B3GALT1: variants seen among roughly 807,000 people sequenced by gnomAD.
B3GALT1 encodes beta-1,3-galactosyltransferase 1, also known as UDP-Gal:betaGlcNAc beta 1,3-galactosyltransferase, polypeptide 1.
In B3GALT1, 10 loss-of-function variants were observed where a neutral mutation model predicts 23.2. The observed-to-expected ratio is 0.43, with a 90% confidence interval of 0.27 to 0.73. The LOEUF (loss-of-function observed/expected upper bound fraction) is 0.73. Ranked by LOEUF, B3GALT1 falls within the 30% of genes least tolerant of loss-of-function variation. The pLI is 0.21. For missense variants in B3GALT1, 299 were observed against 405.4 expected (o/e 0.74, Z 2.25); for synonymous variants, 156 against 141.5 (o/e 1.10, Z -0.73).
rs868266716 is a variant in B3GALT1, at chr2:167,340,331, A to C, written c.-511+46997A>C. Reference sequence around the variant, plus strand: ...ACAGGGAGAAAAAAAAAAAAAAAAAAAAAACAGAGCTTTTGGCAATGGAAC... The same window carrying C: ...ACAGGGAGAAAAAAAAAAAAAAAAACAAAACAGAGCTTTTGGCAATGGAAC... On this transcript the variant is annotated intron_variant, in intron 1 of 4. Coordinates refer to ENST00000392690, the MANE Select transcript of B3GALT1 (RefSeq NM_020981.4). Among the ~76,000 whole-genome samples the C allele has an allele frequency of 2.5e-3, 379 of 151,688 alleles. 1 individual carries two copies. Among genetic ancestry groups the C allele is most frequent in the African/African-American group, 8.4e-3 (349 of 41,374 alleles).
At chr2:167,653,239 G>T (rs886829521) in intron 3 of B3GALT1, among the ~76,000 whole-genome samples, 6 of 152,106 alleles carry the variant, frequency 3.9e-5, no homozygotes, top group Non-Finnish European at 8.8e-5. Context: ...GTACAAAAAG[G>T]TCTGAAGAAA....
At chr2:167,803,179 A>G (rs1688674091) in intron 3 of B3GALT1, among the ~76,000 whole-genome samples, 1 of 152,012 alleles carries the variant, frequency 6.6e-6, no homozygotes, top group African/African-American at 2.4e-5. Context: ...CAAACAGGAA[A>G]GTCTACTTAG....
At chr2:167,579,181 A>G (rs1684436234) in intron 2 of B3GALT1, among the ~76,000 whole-genome samples, 1 of 152,014 alleles carries the variant, frequency 6.6e-6, no homozygotes, top group East Asian at 1.9e-4. Flanking sequence ...TTCTCTGTTA[A>G]TGTTACATGT....
intron 2 of B3GALT1, among the ~76,000 whole-genome samples, chr2:167,595,073 T>G (rs1574158221): frequency 6.6e-6 from 1 of 152,214 alleles, no homozygotes; most frequent in South Asian, 2.1e-4. Context: ...GGTACACTTC[T>G]AGGGTGAACA....
intron 3 of B3GALT1, among the ~76,000 whole-genome samples, chr2:167,665,011 T>C (rs1686146886): frequency 6.6e-6 from 1 of 151,600 alleles, no homozygotes; most frequent in Non-Finnish European, 1.5e-5. Context: ...TGAATAGGAG[T>C]TGTGAGAGAG....
chr2:167,424,517 C>A (rs1011526240), intron 1 of B3GALT1, among the ~76,000 whole-genome samples: 5 of 151,958 alleles, frequency 3.3e-5, no homozygotes, highest in African/African-American at 1.2e-4. Flanking sequence ...TTTTTTCCCA[C>A]CTTGAAACTT....
intron 1 of B3GALT1, among the ~76,000 whole-genome samples, chr2:167,418,138 A>G (rs1015865808): frequency 4.6e-5 from 7 of 152,184 alleles, no homozygotes; most frequent in Non-Finnish European, 1.0e-4. Context: ...TTTGAAAGCA[A>G]TTTTAGGAGT....
intron 2 of B3GALT1, among the ~76,000 whole-genome samples, chr2:167,586,954 T>C (rs1278879808): frequency 6.6e-6 from 1 of 152,152 alleles, no homozygotes. Flanking sequence ...CTTACTAACA[T>C]TGGATGATAA....
chr2:167,775,197 G>A (rs1201711886), intron 3 of B3GALT1, among the ~76,000 whole-genome samples: 1 of 152,150 alleles, frequency 6.6e-6, no homozygotes, highest in East Asian at 1.9e-4. Flanking sequence ...CTAGCTAAAT[G>A]TTCACAACAT....
intron 3 of B3GALT1, among the ~76,000 whole-genome samples, chr2:167,687,310 C>A (rs1368530676): frequency 6.6e-6 from 1 of 152,118 alleles, no homozygotes; most frequent in Admixed American, 6.6e-5. Flanking sequence ...TATAGAGTAT[C>A]CTAAATTGCT....
In B3GALT1 at chr2:167,342,408, T is replaced by G. The variant is rs10176107; in HGVS notation, c.-511+49074T>G. Reference sequence around the variant, plus strand: ...TTCAAGACCAGCCTGACCAACATGGTGAAACCCCGTCTGTACTAAAAATAC... The same window carrying G: ...TTCAAGACCAGCCTGACCAACATGGGGAAACCCCGTCTGTACTAAAAATAC... On this transcript the variant is annotated intron_variant, in intron 1 of 4. Transcript: ENST00000392690. Among the ~76,000 whole-genome samples, 946 of 151,918 alleles carry G rather than the reference T, an allele frequency of 6.2e-3. 8 individuals carry two copies. Among genetic ancestry groups the G allele is most frequent in the African/African-American group, 0.022 (914 of 41,450 alleles).
intron 2 of B3GALT1, among the ~76,000 whole-genome samples, chr2:167,564,048 C>T (rs1191551834): frequency 2.0e-5 from 3 of 150,196 alleles, no homozygotes; most frequent in Non-Finnish European, 4.5e-5. Context: ...TGGGAGGAGA[C>T]GCTCCTCACT....
intron 3 of B3GALT1, among the ~76,000 whole-genome samples, chr2:167,667,605 G>T (rs1241671356): frequency 6.6e-6 from 1 of 152,052 alleles, no homozygotes; most frequent in Admixed American, 6.5e-5. Context: ...ACGTAGATTT[G>T]GTCTTTTCAC....
chr2:167,593,258 A>G lies in B3GALT1; in HGVS notation c.-409-53651A>G, dbSNP rs2105417475. Among the ~76,000 whole-genome samples the G allele has an allele frequency of 2.6e-5, 4 of 152,332 alleles. No homozygotes were observed. The Middle Eastern group carries it at 0.014, about 518-fold the overall frequency. ...GTAAAATATACTGTACTCATGTGAT[A>G]TATTATACAACAGTTAAAAGAAATG... On this transcript the variant is annotated intron_variant, in intron 2 of 4. Transcript: ENST00000392690.
At chr2:167,808,234 G>T (rs1202889068) in intron 3 of B3GALT1, among the ~76,000 whole-genome samples, 1 of 150,930 alleles carries the variant, frequency 6.6e-6, no homozygotes, top group Non-Finnish European at 1.5e-5. Flanking sequence ...ACAGCACACT[G>T]ATGGGTCTTG....
intron 2 of B3GALT1, among the ~76,000 whole-genome samples, chr2:167,522,019 T>C (rs1461509631): frequency 6.8e-5 from 10 of 146,854 alleles, no homozygotes; most frequent in Non-Finnish European, 1.3e-4. Context: ...CATATATATA[T>C]AATTATATAT....
intron 1 of B3GALT1, among the ~76,000 whole-genome samples, chr2:167,325,454 A>G (rs1696877915): frequency 6.6e-6 from 1 of 151,874 alleles, no homozygotes; most frequent in Non-Finnish European, 1.5e-5. Flanking sequence ...GGTGCTACGT[A>G]CTTTTAAACC....
Position 167,737,836 on chromosome 2 carries a change from T to C in B3GALT1, c.-351-80836T>C, listed in dbSNP as rs547060367. Among the ~76,000 whole-genome samples the C allele has an allele frequency of 2.0e-4, 31 of 152,328 alleles. 1 individual carries two copies. In the South Asian group the frequency reaches 6.0e-3, roughly 30 times the overall value. On this transcript the variant is annotated intron_variant, in intron 3 of 4. Transcript: ENST00000392690. ...TAGAGTAAGCTGATGATGGCAGTTG[T>C]GCCTCAGACTTAACCCATCAGTGGA...
chr2:167,577,430 A>G lies in B3GALT1; in HGVS notation c.-409-69479A>G, dbSNP rs184213172. On this transcript the variant is annotated intron_variant, in intron 2 of 4. Transcript: ENST00000392690. ...GATAGGACTAGATTAATAATGGTAT[A>G]TAGATCAATTGAAAATGAACACCTT... 1.4e-3 allele frequency among the ~76,000 whole-genome samples: 218 copies of G among 152,004 alleles called. No homozygotes were observed. In the Middle Eastern group the frequency reaches 0.02, roughly 14 times the overall value.
Sources: allele counts gnomAD v4.1 joint callset (sites outside exome capture counted in the v4.1 genomes callset), GRCh38; gene constraint gnomAD v4.1.1; transcripts MANE v1.5; gene names NCBI Gene and HGNC (gene_info 2026-07-23, HGNC 2026-07-21).